Variants in TRPM1 observed in about 807,000 individuals in gnomAD.
TRPM1 encodes the protein transient receptor potential cation channel subfamily M member 1, also known as TRPM1-203 APA Isoform, Intron 10.
TRPM1 carries 113 observed loss-of-function variants against 149.4 expected under a neutral mutation model. The ratio of observed to expected loss-of-function variants is 0.76; its 90% confidence interval spans 0.65 to 0.88. The LOEUF (loss-of-function observed/expected upper bound fraction) is 0.88, where lower values mean the gene tolerates loss of function less well. Among genes scored for constraint, TRPM1 ranks in the 40% least tolerant of loss-of-function variants. The pLI is 0.00. For synonymous variants in TRPM1, 741 were observed against 759.5 expected (o/e 0.98, Z 0.40); for missense variants, 1,976 against 2,038.7 (o/e 0.97, Z 0.59).
At chr15:31,149,105 G>A (rs1672409) in intron 1 of TRPM1, among the ~76,000 whole-genome samples, 60,103 of 152,092 alleles carry the variant, frequency 0.4, 12,109 homozygotes, top group Admixed American at 0.49. Context: ...CACTCAAGTA[G>A]CCTAATAGCC....
intron 1 of TRPM1, among the ~76,000 whole-genome samples, chr15:31,088,861 G>T (rs866894176): frequency 3.6e-5 from 3 of 83,094 alleles, no homozygotes; most frequent in Admixed American, 1.5e-4. Context: ...CCTGCTGCGG[G>T]TATTGACATT....
Position 31,067,896 on chromosome 15 carries a change from G to C in TRPM1, c.476C>G (p.Thr159Ser). The change falls in exon 5 of 28, where the codon ACC becomes AGC. Residue 159 changes from threonine to serine, a missense_variant. Coordinates refer to ENST00000256552, the MANE Select transcript of TRPM1 (RefSeq NM_001252024.2). Reference protein sequence around the residue: ...AAMTTGAWIFTGGVSTGVISH... With the variant: ...AAMTTGAWIFSGGVSTGVISH... ...GCTCTTACCTGTGCTGACACCCCCG[G>C]TGAAGATCCAGGCCCCGGTGGTCAT... is the stretch of plus-strand genomic sequence containing the variant. 6.2e-7 allele frequency: 1 copy of C among 1,613,206 alleles called. No individual in the cohort carries two copies. Among genetic ancestry groups the C allele is most frequent in the African/African-American group, 1.3e-5 (1 of 75,002 alleles).
intron 1 of TRPM1, among the ~76,000 whole-genome samples, chr15:31,088,353 C>G (rs982104382): frequency 5.3e-5 from 8 of 152,182 alleles, no homozygotes; most frequent in Admixed American, 3.3e-4. Context: ...TGGAAGCTTT[C>G]TTCTTTTTGT....
At chr15:31,149,691 T>G (rs553658481) in intron 1 of TRPM1, among the ~76,000 whole-genome samples, 1 of 152,228 alleles carries the variant, frequency 6.6e-6, no homozygotes, top group East Asian at 1.9e-4. Flanking sequence ...GGCTAATTTT[T>G]TGTATTTTTA....
At chr15:31,053,337 G>A (rs755322672) in intron 11 of TRPM1, among the ~76,000 whole-genome samples, 7 of 151,856 alleles carry the variant, frequency 4.6e-5, no homozygotes, top group Non-Finnish European at 7.4e-5. Flanking sequence ...TGCAACCTCC[G>A]CCTCCCAGGT....
chr15:31,075,169 ATAGTTATCTGTTAAGCC>A (rs2034657942), intron 3 of TRPM1, among the ~76,000 whole-genome samples: 3 of 152,152 alleles, frequency 2.0e-5, no homozygotes, highest in Admixed American at 2.0e-4. Flanking sequence ...GGTGTGCTCT[ATAGTTATCTGTTAAGCC>A]TAATTGGTTT....
At chr15:31,092,911 A>G (rs1286135250) in intron 1 of TRPM1, among the ~76,000 whole-genome samples, 2 of 152,238 alleles carry the variant, frequency 1.3e-5, no homozygotes, top group Non-Finnish European at 2.9e-5. Flanking sequence ...TATAAAGTTC[A>G]AAAGCAGGTG....
At chr15:31,090,591 T>G (rs934270246) in intron 1 of TRPM1, among the ~76,000 whole-genome samples, 1 of 151,678 alleles carries the variant, frequency 6.6e-6, no homozygotes, top group African/African-American at 2.4e-5. Flanking sequence ...GACCTCAGAT[T>G]GTGCCACTGC....
At chr15:31,065,183 G>A in intron 7 of TRPM1, 1 of 523,238 alleles carries the variant, frequency 1.9e-6, no homozygotes, top group Non-Finnish European at 3.9e-6. Flanking sequence ...AAAAATTAGA[G>A]ATGTGAGAAC....
chr15:31,134,974 G>A (rs1490524133), intron 1 of TRPM1, among the ~76,000 whole-genome samples: 1 of 151,984 alleles, frequency 6.6e-6, no homozygotes, highest in African/African-American at 2.4e-5. Context: ...CTCCAGCCTG[G>A]GCAACAAGAG....
intron 27 of TRPM1, among the ~76,000 whole-genome samples, chr15:31,020,417 G>T (rs139306508): frequency 2.0e-5 from 3 of 152,244 alleles, no homozygotes; most frequent in Non-Finnish European, 4.4e-5. Flanking sequence ...CATCCATGCC[G>T]TATGTACAGT....
At chr15:31,005,545 C>A (rs1321127363) in intron 27 of TRPM1, among the ~76,000 whole-genome samples, 1 of 152,086 alleles carries the variant, frequency 6.6e-6, no homozygotes, top group East Asian at 1.9e-4. Flanking sequence ...CTGCTCCCTT[C>A]ATTGAAGCTG....
intron 1 of TRPM1, among the ~76,000 whole-genome samples, chr15:31,096,048 A>AAAAAAT (rs2035372281): frequency 1.6e-5 from 2 of 126,276 alleles, no homozygotes; most frequent in Non-Finnish European, 3.2e-5. Context: ...CTCTGTCTCA[A>AAAAAAT]AAAAATAAAA....
chr15:31,155,326 G>T (rs560095759), intron 1 of TRPM1, among the ~76,000 whole-genome samples: 2 of 152,304 alleles, frequency 1.3e-5, no homozygotes, highest in African/African-American at 4.8e-5. Flanking sequence ...CTGCAGTGGG[G>T]GAGCTTGGTG....
intron 1 of TRPM1, among the ~76,000 whole-genome samples, chr15:31,113,877 G>C (rs932454042): frequency 1.3e-5 from 2 of 152,202 alleles, no homozygotes; most frequent in African/African-American, 4.8e-5. Context: ...AGGGTACCGA[G>C]CAAATTGACT....
chr15:31,100,968 ACTGC>A (rs1352406606), intron 1 of TRPM1, among the ~76,000 whole-genome samples: 1 of 152,088 alleles, frequency 6.6e-6, no homozygotes, highest in African/African-American at 2.4e-5. Context: ...ATGTTGTTGA[ACTGC>A]CTTCCAGAAA....
At chr15:31,134,429 C>T (rs1383517775) in intron 1 of TRPM1, among the ~76,000 whole-genome samples, 3 of 152,136 alleles carry the variant, frequency 2.0e-5, no homozygotes, top group Non-Finnish European at 2.9e-5. Flanking sequence ...AGAAGTTACC[C>T]TTTTGCAAGG....
At position 31,029,368 on chromosome 15, in the gene TRPM1, T is replaced by TA; in HGVS notation, c.3148+2dup. On this transcript the variant is annotated splice_region_variant and intron_variant, in intron 24 of 27. Transcript: ENST00000256552. ...TAGAATAATCAATTCCATGTAAACT[T>TA]ACGATTAATTTCCATGGCGTAGACT... The TA allele has an allele frequency of 6.2e-7, 1 of 1,613,730 alleles. No homozygotes were observed. The highest frequency in any genetic ancestry group is 1.1e-5 in the South Asian group (1 of 91,070).
intron 24 of TRPM1, 151 bp downstream of exon 24, chr15:31,029,220 T>C (rs1566999685): frequency 1.3e-6 from 1 of 761,294 alleles, no homozygotes; most frequent in East Asian, 2.7e-5. Context: ...TGTGGTTCTC[T>C]TTACTTTTTA....
Sources: allele counts gnomAD v4.1 joint callset (sites outside exome capture counted in the v4.1 genomes callset), GRCh38; gene constraint gnomAD v4.1.1; transcripts MANE v1.5; gene names NCBI Gene and HGNC (gene_info 2026-07-23, HGNC 2026-07-21).